PLCG2: variants seen among roughly 807,000 people sequenced by gnomAD.
PLCG2 encodes the protein phospholipase C gamma 2.
PLCG2 carries 69 observed loss-of-function variants against 175.6 expected under a neutral mutation model. The ratio of observed to expected loss-of-function variants is 0.39; its 90% confidence interval spans 0.32 to 0.48. PLCG2 has a LOEUF of 0.48. PLCG2 is among the 20% of genes least tolerant of loss of function. The probability of loss-of-function intolerance (pLI) is 0.91; values close to 1 mark genes in which losing one functional copy is unlikely to be tolerated. For synonymous variants in PLCG2, 827 were observed against 624.0 expected (o/e 1.33, Z -4.85); for missense variants, 1,798 against 1,650.9 (o/e 1.09, Z -1.54).
At chr16:81,874,109 A>G (rs1907653615) in intron 7 of PLCG2, among the ~76,000 whole-genome samples, 1 of 152,178 alleles carries the variant, frequency 6.6e-6, no homozygotes, top group Non-Finnish European at 1.5e-5. Context: ...GTTGTACTTG[A>G]TCTAATGGTT....
chr16:81,873,121 G>T (rs1324930372), intron 7 of PLCG2, among the ~76,000 whole-genome samples: 1 of 152,208 alleles, frequency 6.6e-6, no homozygotes, highest in Non-Finnish European at 1.5e-5. Context: ...GAAATAGAAA[G>T]ATTGCAGGCT....
chr16:81,740,321 G>A (rs1157780538), intron 1 of PLCG2: 1 of 152,180 alleles, frequency 6.6e-6, no homozygotes, highest in Admixed American at 6.6e-5. Flanking sequence ...TACAGAGTAT[G>A]TGACGTAGGC....
In PLCG2 at chr16:81,937,862, C is replaced by A. The variant is rs772636178; in HGVS notation, c.3157C>A (p.Pro1053Thr). The change falls in exon 28 of 33, where the codon CCC becomes ACC. Residue 1053 changes from proline to threonine, a missense_variant. By Grantham distance (38) the Pro-to-Thr change is conservative. Coordinates refer to ENST00000564138, the MANE Select transcript of PLCG2 (RefSeq NM_002661.5). Reference protein sequence around the residue: ...MRTEKYDPMPPESQRKILMTL... With the variant: ...MRTEKYDPMPTESQRKILMTL... ...GACAGAGAAATATGACCCGATGCCA[C>A]CCGAGTCCCAGAGGAAGATCCTGAT... 2 of 1,614,130 alleles carry A rather than the reference C, an allele frequency of 1.2e-6. No individual in the cohort carries two copies. The highest frequency in any genetic ancestry group is 1.7e-6 in the Non-Finnish European group (2 of 1,179,988).
intron 30 of PLCG2, among the ~76,000 whole-genome samples, chr16:81,945,475 T>C (rs972728969): frequency 6.6e-5 from 10 of 152,274 alleles, no homozygotes; most frequent in Admixed American, 3.9e-4. Flanking sequence ...GAGAGGAGGA[T>C]TGGGTGGGAG....
chr16:81,913,860 T>C (rs1053557743), intron 19 of PLCG2, among the ~76,000 whole-genome samples: 2 of 151,780 alleles, frequency 1.3e-5, no homozygotes, highest in African/African-American at 4.8e-5. Context: ...CCTGCACCAC[T>C]ATGCCTGAGC....
At chr16:81,924,032 CTG>C (rs1289884819) in intron 22 of PLCG2, among the ~76,000 whole-genome samples, 1 of 152,242 alleles carries the variant, frequency 6.6e-6, no homozygotes, top group Non-Finnish European at 1.5e-5. Context: ...ATACACAAGA[CTG>C]TGTGTTATTT....
intron 31 of PLCG2, among the ~76,000 whole-genome samples, chr16:81,954,866 T>G (rs931318035): frequency 2.0e-5 from 3 of 152,212 alleles, no homozygotes; most frequent in Non-Finnish European, 4.4e-5. Context: ...GTAATGGGAT[T>G]GCTGGGTCAA....
chr16:81,846,562 A>G (rs1167839470), intron 2 of PLCG2, among the ~76,000 whole-genome samples: 1 of 152,212 alleles, frequency 6.6e-6, no homozygotes, highest in Non-Finnish European at 1.5e-5. Flanking sequence ...AGGCTACTGT[A>G]TCTGTAAGAC....
intron 2 of PLCG2, among the ~76,000 whole-genome samples, chr16:81,853,529 A>C (rs894741123): frequency 4.6e-5 from 7 of 152,150 alleles, no homozygotes; most frequent in Non-Finnish European, 5.9e-5. Flanking sequence ...ATCAGGCATT[A>C]GATTCCAATA....
intron 1 of PLCG2, among the ~76,000 whole-genome samples, chr16:81,743,422 G>C (rs560664003): frequency 2.1e-4 from 32 of 152,352 alleles, no homozygotes; most frequent in African/African-American, 7.5e-4. Context: ...AGACTTGCTG[G>C]AACACTGGTC....
At position 81,874,249 on chromosome 16, in the gene PLCG2, T is replaced by A. The variant is rs866988830; in HGVS notation, c.648+3314T>A. ...CTATAAATAGGGTCACATCTCGCCA[T>A]GGAACGGTCCACTTTCTCTGTATTG... On this transcript the variant is annotated intron_variant, in intron 7 of 32. Transcript: ENST00000564138. 1.3e-5 allele frequency among the ~76,000 whole-genome samples: 2 copies of A among 152,242 alleles called. 1 individual carries two copies. Among genetic ancestry groups the A allele is most frequent in the African/African-American group, 4.8e-5 (2 of 41,458 alleles).
At chr16:81,868,119 C>T (rs1297379216) in intron 5 of PLCG2, among the ~76,000 whole-genome samples, 1 of 152,232 alleles carries the variant, frequency 6.6e-6, no homozygotes. Flanking sequence ...TGCCATCCAG[C>T]TCTAAGCCCT....
Position 81,919,299 on chromosome 16 carries a change from G to C in PLCG2, c.2055-185G>C, listed in dbSNP as rs62044879. Among the ~76,000 whole-genome samples, 18,717 of 152,158 alleles carry C rather than the reference G, an allele frequency of 0.12. 1,471 individuals carry two copies. The highest frequency in any genetic ancestry group is 0.22 in the African/African-American group (9,213 of 41,476). On this transcript the variant is annotated intron_variant, in intron 19 of 32. Coordinates refer to ENST00000564138, the MANE Select transcript of PLCG2 (RefSeq NM_002661.5). Reference sequence around the variant, plus strand: ...CTGAGACACAGATTCTTCTAGATCTGTTTTGAAAATACCCACATCATTGTT... The same window carrying C: ...CTGAGACACAGATTCTTCTAGATCTCTTTTGAAAATACCCACATCATTGTT...
Position 81,936,368 on chromosome 16 carries a change from C to T in PLCG2, c.3042C>T (p.Phe1014=), listed in dbSNP as rs749739675. 7 of 1,613,706 alleles carry T rather than the reference C, an allele frequency of 4.3e-6. No homozygotes were observed. In the African/African-American group the frequency reaches 8.0e-5, roughly 18 times the overall value. ...GTTCTCAGATGGTGGCACTCAATTT[C>T]CAGACGGCAGGTAAAGGCCGACTGA... ...LCGSQMVALN[F]QTADKYMQMN... The change falls in exon 27 of 33, where the codon TTC becomes TTT. Residue 1014 remains phenylalanine, a synonymous_variant. Transcript: ENST00000564138.
intron 19 of PLCG2, among the ~76,000 whole-genome samples, chr16:81,916,580 A>AT (rs879866539): frequency 0.013 from 1,564 of 123,624 alleles, 10 homozygotes; most frequent in South Asian, 0.056. Flanking sequence ...ACACTTAACC[A>AT]TTTTTTTTTT....
chr16:81,945,795 G>T (rs150906807), intron 30 of PLCG2, among the ~76,000 whole-genome samples: 2 of 152,310 alleles, frequency 1.3e-5, no homozygotes, highest in East Asian at 1.9e-4. Context: ...TTGTAAGGCT[G>T]TAAGTGGAGG....
chr16:81,921,437 C>A, intron 21 of PLCG2, 168 bp downstream of exon 21: 16 of 663,240 alleles, frequency 2.4e-5, no homozygotes, highest in South Asian at 1.6e-4. Context: ...AATATCAAGC[C>A]TAGTTTCAGG....
intron 3 of PLCG2, among the ~76,000 whole-genome samples, chr16:81,856,828 C>A (rs1163403253): frequency 2.0e-5 from 3 of 152,126 alleles, no homozygotes; most frequent in African/African-American, 7.2e-5. Flanking sequence ...CCTGGACTAT[C>A]TGGGTGTCTA....
chr16:81,762,947 C>T (rs560492909), intron 2 of PLCG2, among the ~76,000 whole-genome samples: 2 of 152,240 alleles, frequency 1.3e-5, no homozygotes, highest in South Asian at 4.1e-4. Context: ...GTCCCAGCTA[C>T]TCAGGAGACT....
Sources: gnomAD v4.1 joint callset for allele counts (sites outside exome capture counted in the v4.1 genomes callset) on GRCh38, gnomAD v4.1.1 for gene constraint, MANE v1.5 for transcripts, NCBI Gene and HGNC (gene_info 2026-07-23, HGNC 2026-07-21) for gene names.